MYH7: variants seen among roughly 807,000 people sequenced by gnomAD.
MYH7 encodes the protein myosin heavy chain 7.
Under a neutral mutation model 225.4 loss-of-function variants are expected in MYH7, and 129 were observed. The ratio of observed to expected loss-of-function variants is 0.57; its 90% CI spans 0.50 to 0.66. The LOEUF (loss-of-function observed/expected upper bound fraction) is 0.66, where lower values mean the gene tolerates loss of function less well. Ranked by LOEUF, MYH7 falls within the 30% of genes least tolerant of loss-of-function variation. MYH7 has a pLI of 0.00. For missense variants in MYH7, 1,649 were observed against 2,517.0 expected (o/e 0.66, Z 7.38); for synonymous variants, 971 against 1,007.6 (o/e 0.96, Z 0.69).
intron 22 of MYH7, 42 bp from the exon 23 acceptor site, chr14:23,424,191 G>T (rs746511062): frequency 6.2e-7 from 1 of 1,612,908 alleles, no homozygotes; most frequent in Non-Finnish European, 8.5e-7. Context: ...AGGGGGTAAG[G>T]TCCTCATTCT....
At chr14:23,419,786 G>A (rs779022809) in intron 27 of MYH7, 59 bp downstream of exon 27, 5 of 1,613,944 alleles carry the variant, frequency 3.1e-6, no homozygotes, top group Non-Finnish European at 4.2e-6. Flanking sequence ...GACACTACAT[G>A]GACAGAAAGG....
At position 23,419,210 on chromosome 14, in the gene MYH7, C is replaced by T. The variant is rs772128107; in HGVS notation, c.3939G>A (p.Glu1313=). 23 of 1,614,114 alleles carry T rather than the reference C, an allele frequency of 1.4e-5. No individual in the cohort carries two copies. In the South Asian group the frequency reaches 2.5e-4, roughly 18 times the overall value. Residue 1313 remains glutamate (E), a synonymous_variant, in exon 29 of 40, where the codon GAG becomes GAA. Coordinates refer to ENST00000355349, the MANE Select transcript of MYH7 (RefSeq NM_000257.4). The part of the protein sequence containing the change: ...RGKLTYTQQL[E]DLKRQLEEEV... ...CCTCCTCCAGCTGCCTCTTGAGGTC[C>T]TCCAGCTGCTGGGTGTAGGTGAGCT...
At position 23,424,693 on chromosome 14, in the gene MYH7, G is replaced by A. The variant is rs530545812; in HGVS notation, c.2679+76C>T. 9 of 1,605,938 alleles carry A rather than the reference G, an allele frequency of 5.6e-6. No homozygotes were observed. In the Admixed American group the frequency reaches 1.3e-4, roughly 24 times the overall value. On this transcript the variant is annotated intron_variant, in intron 22 of 39. Transcript: ENST00000355349. ...TGAAGGAACAAGACAGTGAGCCCCT[G>A]TGCAGGGAGGTGCAGGGTTGTGGGA...
In MYH7 at chr14:23,415,934, T is replaced by G. The variant is rs1476903628; in HGVS notation, c.4953+70A>C. 4 of 1,613,522 alleles carry G rather than the reference T, an allele frequency of 2.5e-6. No homozygotes were observed. The East Asian group carries it at 8.9e-5, about 36-fold the overall frequency. ...TGCAGTAACCTAGGGGCAGGAGGAA[T>G]CTGGTGCCTGTATCAAGACACTACT... On this transcript the variant is annotated intron_variant, in intron 34 of 39. Transcript: ENST00000355349. The surrounding 1 kb of genome is among the most constrained non-coding windows in gnomAD (Gnocchi z 6.3).
intron 18 of MYH7, 43 bp from the exon 19 acceptor site, chr14:23,426,124 A>G: frequency 1.2e-6 from 2 of 1,608,098 alleles, no homozygotes; most frequent in South Asian, 2.2e-5. Context: ...AGAACACTGG[A>G]CTGAAGTTCT....
At chr14:23,414,146 T>C (rs984175438) in intron 37 of MYH7, 44 bp from the exon 38 acceptor site, 14 of 1,567,162 alleles carry the variant, frequency 8.9e-6, no homozygotes, top group African/African-American at 2.7e-5. Context: ...GGCACAGTCA[T>C]AGAAGGTAGC....
chr14:23,426,771 C>T lies in MYH7; in HGVS notation c.2044+6G>A. 6.2e-7 allele frequency: 1 copy of T among 1,613,854 alleles called. No homozygotes were observed. The highest frequency in any genetic ancestry group is 8.5e-7 in the Non-Finnish European group (1 of 1,179,796). ...GCAGTGGGTTGGCCTGAGTTTGTGG[C>T]CTCACCTGGAGACTTTGTCTCATTA... On this transcript the variant is annotated splice_donor_region_variant and intron_variant, in intron 18 of 39. Coordinates refer to ENST00000355349, the MANE Select transcript of MYH7 (RefSeq NM_000257.4).
chr14:23,416,322 G>T lies in MYH7; in HGVS notation c.4645-10C>A. The T allele has an allele frequency of 6.2e-7, 1 of 1,611,502 alleles. No individual in the cohort carries two copies. The highest frequency in any genetic ancestry group is 8.5e-7 in the Non-Finnish European group (1 of 1,178,330). Reference sequence around the variant, plus strand: ...CGTGCTCCAGGGAGGCCTGGGAAGGGGTTGGGGGAGGGGATGCAGGCAGAC... The same window carrying T: ...CGTGCTCCAGGGAGGCCTGGGAAGGTGTTGGGGGAGGGGATGCAGGCAGAC... On this transcript the variant is annotated splice_polypyrimidine_tract_variant and intron_variant, in intron 33 of 39. Transcript: ENST00000355349.
Position 23,415,855 on chromosome 14 carries a change from TGAGCAGG to T in MYH7, c.4954-30_4954-24del. The stretch of plus-strand genomic sequence containing the variant: ...GTCCTGAGGATCAGGAGAGTGGGCA[TGAGCAGG>T]GAGCCAGCCTCGGTTCCCTTCACTA... On this transcript the variant is annotated intron_variant, in intron 34 of 39. Transcript: ENST00000355349. This position sits in a 1 kb window ranked among gnomAD's most constrained non-coding sequence, Gnocchi z 6.3. The T allele has an allele frequency of 6.2e-7, 1 of 1,614,164 alleles. No individual in the cohort carries two copies. Among genetic ancestry groups the T allele is most frequent in the South Asian group, 1.1e-5 (1 of 91,074 alleles).
intron 11 of MYH7, 24 bp downstream of exon 11, chr14:23,430,536 C>G (rs1400858011): frequency 6.3e-7 from 1 of 1,583,704 alleles, no homozygotes; most frequent in East Asian, 2.2e-5. Flanking sequence ...CTCCCACCCC[C>G]TGGCTGGGTC....
chr14:23,430,813 C>T, intron 10 of MYH7, 88 bp downstream of exon 10: 1 of 1,282,818 alleles, frequency 7.8e-7, no homozygotes, highest in Non-Finnish European at 1.1e-6. Context: ...GCCATGAAAC[C>T]CAGGGCATGC....
At chr14:23,434,401 G>T in intron 1 of MYH7, 152 bp from the exon 2 acceptor site, 1 of 345,072 alleles carries the variant, frequency 2.9e-6, no homozygotes, top group Non-Finnish European at 4.1e-6. Flanking sequence ...CATCCTTCTT[G>T]TTTTTCAAAC....
In MYH7 at chr14:23,434,192, A is replaced by C; in HGVS notation, c.-9+2T>G. 1 of 1,058,142 alleles carries C rather than the reference A, an allele frequency of 9.5e-7. No individual in the cohort carries two copies. The highest frequency in any genetic ancestry group is 1.1e-6 in the Non-Finnish European group (1 of 873,750). The allele number at this position is 1,058,142 out of a possible 1,614,324, so 65.5% of individuals were successfully genotyped here. A position where few individuals can be genotyped will look rare whatever the true frequency, so the allele number is the denominator to read the frequency against. On this transcript the variant is annotated splice_donor_variant, in intron 2 of 39. Transcript: ENST00000355349. LOFTEE classifies it low-confidence loss of function (5UTR_SPLICE). ...CAACACTCTAGCTTCAGCTTTTCTT[A>C]CCTGGGCTACTCAAGTGTGTCTACA...
chr14:23,417,730 T>A, intron 30 of MYH7, 44 bp from the exon 31 acceptor site: 1 of 1,606,326 alleles, frequency 6.2e-7, no homozygotes, highest in Non-Finnish European at 8.5e-7. Flanking sequence ...ATGGAGGGTG[T>A]GGATGGGGAC....
chr14:23,430,664 C>CT lies in MYH7; in HGVS notation c.896-2dup. 6.2e-7 allele frequency: 1 copy of CT among 1,613,016 alleles called. No homozygotes were observed. The highest frequency in any genetic ancestry group is 8.5e-7 in the Non-Finnish European group (1 of 1,179,012). ...GGGTTGTTGGTGATCAGCAGCATGT[C>CT]TAGGGGAAAAAACATGGTTAGGGTG... On this transcript the variant is annotated splice_acceptor_variant, in intron 10 of 39. Transcript: ENST00000355349. LOFTEE classifies it high-confidence loss of function.
chr14:23,422,388 T>C, intron 24 of MYH7, 63 bp from the exon 25 acceptor site: 1 of 1,610,088 alleles, frequency 6.2e-7, no homozygotes, highest in Non-Finnish European at 8.5e-7. Context: ...ATTTTGTTGT[T>C]CAGTTACCTC....
chr14:23,417,152 C>A lies in MYH7; in HGVS notation c.4519+1G>T. Reference sequence around the variant, plus strand: ...CCCAGCCTCTTGGGCCCCCAGCACACCCTGCAGGTTTTTGTTCTCCCGCTT... The same window carrying A: ...CCCAGCCTCTTGGGCCCCCAGCACAACCTGCAGGTTTTTGTTCTCCCGCTT... On this transcript the variant is annotated splice_donor_variant, in intron 32 of 39. Coordinates refer to ENST00000355349, the MANE Select transcript of MYH7 (RefSeq NM_000257.4). LOFTEE classifies it high-confidence loss of function. The A allele has an allele frequency of 6.2e-7, 1 of 1,614,170 alleles. No individual in the cohort carries two copies.
rs397516131 is a variant in MYH7 at position 23,426,025 on chromosome 14, C to A, written c.2101G>T (p.Gly701Cys). ...AAGCCTTTCCTGCAGATGCGGATGC[C>A]CTCCAGCACACCATTGCAGCGCAGC... ...HQLRCNGVLE[G>C]IRICRKGFPN... is the part of the protein sequence containing the mutation. The change falls in exon 19 of 40, where the codon GGC becomes TGC. Residue 701 changes from glycine to cysteine, a missense_variant. By Grantham distance (159) the Gly-to-Cys change is radical (BLOSUM62 -3). Coordinates refer to ENST00000355349, the MANE Select transcript of MYH7 (RefSeq NM_000257.4). 6.2e-7 allele frequency: 1 copy of A among 1,614,068 alleles called. No homozygotes were observed.
chr14:23,426,978 G>C, intron 17 of MYH7, 114 bp from the exon 18 acceptor site: 1 of 1,033,016 alleles, frequency 9.7e-7, no homozygotes, highest in South Asian at 1.4e-5. Context: ...AGAAGTCACA[G>C]AGATGAAGGG....
Sources: allele counts gnomAD v4.1 joint callset, GRCh38; gene constraint gnomAD v4.1.1; non-coding constraint Gnocchi (gnomAD v3.1); transcripts MANE v1.5; gene names NCBI Gene and HGNC (gene_info 2026-07-23, HGNC 2026-07-21).